Variants in APC observed in about 807,000 individuals in gnomAD.
The protein encoded by APC is adenomatous polyposis coli protein.
In APC, 72 loss-of-function variants were observed where a neutral mutation model predicts 247.0. The ratio of observed to expected loss-of-function variants is 0.29; its 90% CI spans 0.24 to 0.35. The LOEUF (loss-of-function observed/expected upper bound fraction) is 0.35, where lower values mean the gene tolerates loss of function less well. APC is among the 10% of genes least tolerant of loss of function. The pLI is 1.00. For synonymous variants in APC, 1,254 were observed against 1,162.5 expected (o/e 1.08, Z -1.60); for missense variants, 3,400 against 3,360.7 (o/e 1.01, Z -0.29).
At chr5:112,792,997 C>A (rs528007137) in intron 7 of APC, among the ~76,000 whole-genome samples, 1 of 152,142 alleles carries the variant, frequency 6.6e-6, no homozygotes, top group Non-Finnish European at 1.5e-5. Context: ...TGATAACATT[C>A]TAGCATATCA....
chr5:112,719,037 A>G (rs766349770), intron 1 of APC, among the ~76,000 whole-genome samples: 4 of 152,200 alleles, frequency 2.6e-5, no homozygotes, highest in Non-Finnish European at 5.9e-5. Context: ...AAATACTTGT[A>G]TGTGAGTAGT....
chr5:112,749,274 C>T (rs527742205), intron 1 of APC, among the ~76,000 whole-genome samples: 92 of 152,220 alleles, frequency 6.0e-4, no homozygotes, highest in African/African-American at 2.0e-3. Flanking sequence ...TTCACACAAT[C>T]TTTGACCTGT....
chr5:112,812,261 T>TA (rs1762063326), intron 8 of APC, among the ~76,000 whole-genome samples: 1 of 152,140 alleles, frequency 6.6e-6, no homozygotes, highest in African/African-American at 2.4e-5. Context: ...CTACAAACAG[T>TA]AAAAATATTT....
chr5:112,832,716 G>C (rs1007783950), intron 14 of APC, among the ~76,000 whole-genome samples: 1 of 152,052 alleles, frequency 6.6e-6, no homozygotes, highest in Non-Finnish European at 1.5e-5. Context: ...CTCTTCTCTG[G>C]GAATGTACAG....
upstream of APC, among the ~76,000 whole-genome samples, chr5:112,733,546 AG>A (rs1752202609): frequency 1.3e-5 from 2 of 152,320 alleles, no homozygotes; most frequent in African/African-American, 4.8e-5. Flanking sequence ...CATAAAATAC[AG>A]TGGATCTGTA....
chr5:112,792,631 T>C, intron 7 of APC, 102 bp downstream of exon 7: 1 of 831,176 alleles, frequency 1.2e-6, no homozygotes. Context: ...AATATAGATG[T>C]TCTTTCAGAG....
intron 15 of APC, among the ~76,000 whole-genome samples, chr5:112,835,907 A>T (rs1363168388): frequency 6.6e-6 from 1 of 151,188 alleles, no homozygotes; most frequent in Admixed American, 6.6e-5. Flanking sequence ...ACAGCCATTC[A>T]TCCAATCTGC....
chr5:112,804,208 T>TA lies in APC; in HGVS notation c.834+2826dup, dbSNP rs577831823. Among the ~76,000 whole-genome samples, 319 of 152,362 alleles carry TA rather than the reference T, an allele frequency of 2.1e-3. 3 individuals are homozygous for TA. The highest frequency in any genetic ancestry group is 7.2e-3 in the African/African-American group (300 of 41,592). ...CTGGAATAAATAAAGTACTCTTTGA[T>TA]ACGCTGTATTCCTGCTCTCATAGTG... On this transcript the variant is annotated intron_variant, in intron 8 of 15. Transcript: ENST00000257430.
rs2149992913 is a variant in APC at position 112,843,330 on chromosome 5, A to T, written c.7736A>T (p.Glu2579Val). The T allele has an allele frequency of 1.9e-6, 3 of 1,613,878 alleles. No homozygotes were observed. Among genetic ancestry groups the T allele is most frequent in the Non-Finnish European group, 1.7e-6 (2 of 1,179,804 alleles). The change falls in exon 16 of 16, where the codon GAA (glutamate) becomes GTA (valine). Residue 2579 changes from glutamate (E) to valine (V), a missense_variant. This residue lies in a region of APC where 1,788 missense variants were observed against 1,649.5 expected (regional missense o/e 1.08). Transcript: ENST00000257430. This position sits in a 1 kb window ranked among gnomAD's most constrained non-coding sequence, Gnocchi z 4.8. The part of the protein sequence containing the change: ...SSSSILSASS[E>V]SSEKAKSEDE... The stretch of plus-strand genomic sequence containing the variant: ...TCTTCAATTCTTTCTGCTTCATCAG[A>T]ATCCAGTGAAAAAGCAAAAAGTGAG...
At chr5:112,776,881 C>T (rs890571259) in intron 5 of APC, among the ~76,000 whole-genome samples, 1 of 151,856 alleles carries the variant, frequency 6.6e-6, no homozygotes, top group Admixed American at 6.6e-5. Flanking sequence ...AAATAAATGA[C>T]TCACTAGAGG....
Position 112,738,620 on chromosome 5 carries a change from C to T in APC, c.-19+695C>T, listed in dbSNP as rs76620114. Among the ~76,000 whole-genome samples, 1 of 152,122 alleles carries T rather than the reference C, an allele frequency of 6.6e-6. No homozygotes were observed. The highest frequency in any genetic ancestry group is 6.5e-5 in the Admixed American group (1 of 15,270). Reference sequence around the variant, plus strand: ...AAAATGCAGTGGTAGTGGCTTTTTGCGGACGACTGCAGCAGTGCTTTTTCT... The same window carrying T: ...AAAATGCAGTGGTAGTGGCTTTTTGTGGACGACTGCAGCAGTGCTTTTTCT... On this transcript the variant is annotated intron_variant, in intron 1 of 15. Transcript: ENST00000257430.
At chr5:112,784,977 T>C (rs985371360) in intron 6 of APC, among the ~76,000 whole-genome samples, 1 of 152,076 alleles carries the variant, frequency 6.6e-6, no homozygotes, top group African/African-American at 2.4e-5. Flanking sequence ...GGTGGTAGGA[T>C]TGCTTGAGCT....
At chr5:112,754,037 C>T (rs2149733586) in intron 1 of APC, among the ~76,000 whole-genome samples, 1 of 152,204 alleles carries the variant, frequency 6.6e-6, no homozygotes, top group Middle Eastern at 3.4e-3. Context: ...TCTTTTGTAT[C>T]TTCTTTGTCT....
rs730881255 is a variant in APC at position 112,842,256 on chromosome 5, T to C, written c.6662T>C (p.Met2221Thr). The C allele has an allele frequency of 3.1e-6, 5 of 1,613,926 alleles. No homozygotes were observed. Among genetic ancestry groups the C allele is most frequent in the Non-Finnish European group, 4.2e-6 (5 of 1,179,926 alleles). ...GQMKQPLQAN[M>T]PSISRGRTMI... ...ATGAAACAGCCCCTTCAAGCAAACA[T>C]GCCTTCAATCTCTCGAGGCAGGACA... is the stretch of plus-strand genomic sequence containing the variant. Residue 2221 changes from methionine to threonine, a missense_variant, in exon 16 of 16, where the codon ATG becomes ACG. Met to Thr is a moderately conservative substitution (Grantham distance 81). This residue lies in a region of APC where 1,788 missense variants were observed against 1,649.5 expected (regional missense o/e 1.08). Coordinates refer to ENST00000257430, the MANE Select transcript of APC (RefSeq NM_000038.6).
Position 112,843,887 on chromosome 5 carries a change from A to G in APC, c.8293A>G (p.Ser2765Gly), listed in dbSNP as rs1554089051. 1 of 1,614,000 alleles carries G rather than the reference A, an allele frequency of 6.2e-7. No homozygotes were observed. Among genetic ancestry groups the G allele is most frequent in the Non-Finnish European group, 8.5e-7 (1 of 1,179,866 alleles). The change falls in exon 16 of 16, where the codon AGC becomes GGC. Residue 2765 changes from serine (S) to glycine (G), a missense_variant. Ser to Gly is a moderately conservative substitution (Grantham distance 56). This residue lies in a region of APC where 1,788 missense variants were observed against 1,649.5 expected (regional missense o/e 1.08). Transcript: ENST00000257430. This position sits in a 1 kb window ranked among gnomAD's most constrained non-coding sequence, Gnocchi z 4.8. ...AGTGGAACGTACCCCATTCAGTTCTAGCAGCTCAAGCAAACACAGTTCACC... is the reference window on the plus strand; with the variant it reads ...AGTGGAACGTACCCCATTCAGTTCTGGCAGCTCAAGCAAACACAGTTCACC... ...SIVERTPFSS[S>G]SSSKHSSPSG...
At chr5:112,758,487 C>T (rs377242784) in intron 2 of APC, among the ~76,000 whole-genome samples, 164 of 152,184 alleles carry the variant, frequency 1.1e-3, no homozygotes, top group African/African-American at 2.5e-3. Flanking sequence ...CCACCACGCC[C>T]GGCTAATTTT....
intron 13 of APC, 137 bp from the exon 14 acceptor site, chr5:112,828,719 G>A (rs1483024345): frequency 7.7e-6 from 5 of 646,978 alleles, no homozygotes; most frequent in Middle Eastern, 4.2e-4. Flanking sequence ...AAAGTGATAG[G>A]ATTACAGGCG....
intron 2 of APC, among the ~76,000 whole-genome samples, chr5:112,763,443 A>G (rs1340673563): frequency 6.6e-6 from 1 of 152,020 alleles, no homozygotes; most frequent in Non-Finnish European, 1.5e-5. Flanking sequence ...TTGTAGGTAC[A>G]GCTAAAAAAT....
chr5:112,824,156 T>C (rs1216519630), intron 11 of APC, among the ~76,000 whole-genome samples: 1 of 152,236 alleles, frequency 6.6e-6, no homozygotes, highest in African/African-American at 2.4e-5. Flanking sequence ...ATCGGTAGTT[T>C]TACCCTATTG....
Sources: gnomAD v4.1 joint callset for allele counts (sites outside exome capture counted in the v4.1 genomes callset) on GRCh38, gnomAD v4.1.1 for gene constraint, gnomAD v4.1.1 regional missense constraint, Gnocchi (gnomAD v3.1) non-coding constraint, MANE v1.5 for transcripts, NCBI Gene and HGNC (gene_info 2026-07-23, HGNC 2026-07-21) for gene names.